Variants in RIMS2 observed in about 807,000 individuals in gnomAD.
RIMS2 encodes regulating synaptic membrane exocytosis 2, also known as regulating synaptic membrane exocytosis protein 2.
In RIMS2, 59 loss-of-function variants were observed where a neutral mutation model predicts 174.4. The observed-to-expected ratio is 0.34, with a 90% CI of 0.27 to 0.42. The LOEUF (loss-of-function observed/expected upper bound fraction) is 0.42. RIMS2 is among the 10% of genes least tolerant of loss of function. The pLI is 1.00. For missense variants in RIMS2, 1,620 were observed against 1,666.3 expected, an observed-to-expected ratio of 0.97 and a Z score of 0.48; for synonymous variants, 606 against 572.5, an observed-to-expected ratio of 1.06 and a Z score of -0.84.
intron 1 of RIMS2, among the ~76,000 whole-genome samples, chr8:103,505,437 T>C (rs2130897405): frequency 6.6e-6 from 1 of 152,210 alleles, no homozygotes; most frequent in East Asian, 1.9e-4. Context: ...ATATAGGATA[T>C]ATACTATCCC....
intron 19 of RIMS2, among the ~76,000 whole-genome samples, chr8:104,100,842 T>A (rs940365592): frequency 3.6e-5 from 5 of 139,760 alleles, no homozygotes; most frequent in African/African-American, 1.3e-4. Flanking sequence ...ATATAATATA[T>A]ATGTATTATA....
intron 1 of RIMS2, among the ~76,000 whole-genome samples, chr8:103,687,417 A>G (rs1450990103): frequency 6.6e-6 from 1 of 152,018 alleles, no homozygotes; most frequent in African/African-American, 2.4e-5. Context: ...TTTCAAATTA[A>G]CAAAAATTGT....
intron 3 of RIMS2, among the ~76,000 whole-genome samples, chr8:103,828,079 A>G (rs1374858138): frequency 6.6e-6 from 1 of 152,052 alleles, no homozygotes; most frequent in African/African-American, 2.4e-5. Flanking sequence ...AATTTTATAT[A>G]TTGCTGGTGT....
intron 19 of RIMS2, among the ~76,000 whole-genome samples, chr8:104,218,575 T>C (rs1168901092): frequency 1.3e-5 from 2 of 152,196 alleles, no homozygotes; most frequent in African/African-American, 4.8e-5. Flanking sequence ...CACCATAATA[T>C]AGAATCAGTG....
intron 4 of RIMS2, among the ~76,000 whole-genome samples, chr8:103,901,364 G>A (rs890004961): frequency 6.6e-6 from 1 of 152,020 alleles, no homozygotes; most frequent in African/African-American, 2.4e-5. Flanking sequence ...CCATGCCTCA[G>A]GTTTCCCTAC....
chr8:103,902,632 C>A (rs1451423572), intron 4 of RIMS2, among the ~76,000 whole-genome samples: 1 of 152,032 alleles, frequency 6.6e-6, no homozygotes, highest in Non-Finnish European at 1.5e-5. Context: ...AGACTTAAGA[C>A]TTATTATCAG....
intron 3 of RIMS2, among the ~76,000 whole-genome samples, chr8:103,853,133 A>G (rs1202433610): frequency 1.3e-5 from 2 of 151,984 alleles, no homozygotes; most frequent in African/African-American, 4.8e-5. Flanking sequence ...ATGAAATAAT[A>G]AGTATCTCAA....
At chr8:103,986,408 C>T (rs1440510064) in intron 16 of RIMS2, among the ~76,000 whole-genome samples, 5 of 151,818 alleles carry the variant, frequency 3.3e-5, no homozygotes, top group Non-Finnish European at 7.4e-5. Flanking sequence ...TGTATGTTAA[C>T]CCACAAGTTA....
chr8:103,649,587 T>C (rs1489227310), intron 1 of RIMS2, among the ~76,000 whole-genome samples: 2 of 152,052 alleles, frequency 1.3e-5, no homozygotes, highest in African/African-American at 4.8e-5. Flanking sequence ...TAATGAGTCT[T>C]AGGTTCTGTC....
At chr8:103,695,916 C>A (rs1441847187) in intron 1 of RIMS2, among the ~76,000 whole-genome samples, 1 of 152,058 alleles carries the variant, frequency 6.6e-6, no homozygotes. Context: ...ACTATGAAGG[C>A]AGACTAGGGG....
chr8:104,062,310 A>C (rs1334428427), intron 19 of RIMS2, among the ~76,000 whole-genome samples: 1 of 152,150 alleles, frequency 6.6e-6, no homozygotes, highest in African/African-American at 2.4e-5. Context: ...AGGCTGAGGC[A>C]GGAGAATTGC....
At chr8:103,764,637 T>C (rs1363039046) in intron 2 of RIMS2, among the ~76,000 whole-genome samples, 1 of 152,166 alleles carries the variant, frequency 6.6e-6, no homozygotes, top group East Asian at 1.9e-4. Context: ...AATGGTGTTT[T>C]CACATCAAAA....
chr8:104,136,529 C>T (rs923987240), intron 19 of RIMS2, among the ~76,000 whole-genome samples: 1 of 152,082 alleles, frequency 6.6e-6, no homozygotes. Flanking sequence ...ATAAATCAGT[C>T]TCTTCATAGA....
intron 1 of RIMS2, among the ~76,000 whole-genome samples, chr8:103,552,643 A>ATCAT (rs1848545387): frequency 2.0e-5 from 3 of 150,478 alleles, no homozygotes; most frequent in Admixed American, 6.6e-5. Flanking sequence ...AAAAGACACT[A>ATCAT]CAGAGTGAAC....
chr8:103,656,455 T>G (rs1035638465), intron 1 of RIMS2, among the ~76,000 whole-genome samples: 2 of 152,060 alleles, frequency 1.3e-5, no homozygotes, highest in African/African-American at 4.8e-5. Context: ...TTGGTTAAGC[T>G]CTGAAAAATC....
In RIMS2 at chr8:104,098,330, G is replaced by A. The variant is rs1026599728; in HGVS notation, c.3334+83715G>A. ...TGCAGTTTCTTAGCCATGTGTGGAT[G>A]GATGTTTGAGGATAGTTCCATATTA... On this transcript the variant is annotated intron_variant, in intron 19 of 23. Transcript: ENST00000504942. Among the ~76,000 whole-genome samples the A allele has an allele frequency of 3.9e-5, 6 of 152,070 alleles. No individual in the cohort carries two copies. The South Asian group carries it at 6.2e-4, about 16-fold the overall frequency.
At chr8:104,210,414 T>A (rs2099100078) in intron 19 of RIMS2, among the ~76,000 whole-genome samples, 1 of 152,232 alleles carries the variant, frequency 6.6e-6, no homozygotes, top group Admixed American at 6.5e-5. Flanking sequence ...AAGTGTCTAT[T>A]ACCTCTTCTG....
At chr8:103,680,577 T>C (rs1448592918) in intron 1 of RIMS2, among the ~76,000 whole-genome samples, 2 of 152,004 alleles carry the variant, frequency 1.3e-5, no homozygotes, top group African/African-American at 4.8e-5. Context: ...AAGATTTCTG[T>C]TTAGCAAAAT....
At chr8:103,758,923 C>A (rs1377370925) in intron 2 of RIMS2, among the ~76,000 whole-genome samples, 2 of 152,070 alleles carry the variant, frequency 1.3e-5, no homozygotes, top group Non-Finnish European at 1.5e-5. Flanking sequence ...TGGATGAAAT[C>A]GATGAAATGG....
Sources: allele counts gnomAD v4.1 joint callset (sites outside exome capture counted in the v4.1 genomes callset), GRCh38; gene constraint gnomAD v4.1.1; transcripts MANE v1.5; gene names NCBI Gene and HGNC (gene_info 2026-07-23, HGNC 2026-07-21).